CDC42EP3: variants seen among roughly 807,000 people sequenced by gnomAD.
The protein encoded by CDC42EP3 is CDC42 effector protein 3, also known as CDC42 effector protein (Rho GTPase binding) 3.
CDC42EP3 carries 4 observed loss-of-function variants against 15.5 expected under a neutral mutation model. That is an observed-to-expected ratio of 0.26 (90% CI 0.13 to 0.59). The LOEUF is 0.59. Ranked by LOEUF, CDC42EP3 falls within the 20% of genes least tolerant of loss-of-function variation. CDC42EP3 has a pLI of 0.89. For missense variants in CDC42EP3, 309 were observed against 311.2 expected (o/e 0.99, Z 0.05); for synonymous variants, 145 against 130.3 (o/e 1.11, Z -0.77).
chr2:37,668,230 C>T (rs1666303458), intron 1 of CDC42EP3, among the ~76,000 whole-genome samples: 1 of 152,070 alleles, frequency 6.6e-6, no homozygotes, highest in South Asian at 2.1e-4. Flanking sequence ...AAAAGAAAAC[C>T]ACGGGTAATT....
At position 37,670,759 on chromosome 2, in the gene CDC42EP3, C is replaced by A. The variant is rs1666388045; in HGVS notation, c.-236+667G>T. On this transcript the variant is annotated intron_variant, in intron 1 of 1. Transcript: ENST00000295324. ...AGATGAAACACATGCCTCCCAAAGTCGAGAGAGGGATAGAGTATAATAATT... is the reference window on the plus strand; with the variant it reads ...AGATGAAACACATGCCTCCCAAAGTAGAGAGAGGGATAGAGTATAATAATT... Among the ~76,000 whole-genome samples the A allele has an allele frequency of 4.0e-5, 6 of 148,940 alleles. No individual in the cohort carries two copies. In the Admixed American group the frequency reaches 4.1e-4, roughly 10 times the overall value.
At chr2:37,668,294 A>G (rs1666305427) in intron 1 of CDC42EP3, among the ~76,000 whole-genome samples, 1 of 152,224 alleles carries the variant, frequency 6.6e-6, no homozygotes, top group African/African-American at 2.4e-5. Flanking sequence ...TACATGACAG[A>G]ACCAGTATTA....
In CDC42EP3 at chr2:37,646,292, G is replaced by C; in HGVS notation, c.296C>G (p.Pro99Arg). Residue 99 changes from proline (P) to arginine (R), a missense_variant, in exon 2 of 2, where the codon CCC becomes CGC. Coordinates refer to ENST00000295324, the MANE Select transcript of CDC42EP3 (RefSeq NM_006449.5). Reference protein sequence around the residue: ...STSDSVFTETPSPVLKNAISL... With the variant: ...STSDSVFTETRSPVLKNAISL... ...GATGGCATTTTTGAGCACCGGGGAGGGCGTTTCTGTGAACACAGAGTCCGA... is the reference window on the plus strand; with the variant it reads ...GATGGCATTTTTGAGCACCGGGGAGCGCGTTTCTGTGAACACAGAGTCCGA... 3 of 1,614,138 alleles carry C rather than the reference G, an allele frequency of 1.9e-6. No homozygotes were observed. Among genetic ancestry groups the C allele is most frequent in the Non-Finnish European group, 2.5e-6 (3 of 1,180,020 alleles).
intron 1 of CDC42EP3, among the ~76,000 whole-genome samples, chr2:37,671,156 G>A (rs1053319008): frequency 4.6e-5 from 7 of 152,254 alleles, no homozygotes; most frequent in Non-Finnish European, 5.9e-5. Flanking sequence ...CTCGGAGGGT[G>A]CAATGTGGCC....
intron 1 of CDC42EP3, among the ~76,000 whole-genome samples, chr2:37,657,483 T>C (rs1389134535): frequency 6.6e-6 from 1 of 152,200 alleles, no homozygotes; most frequent in African/African-American, 2.4e-5. Flanking sequence ...AGTGTTCCTG[T>C]TGGGAAAACT....
Position 37,643,822 on chromosome 2 carries a change from G to A in CDC42EP3, c.*2001C>T, listed in dbSNP as rs1665347930. On this transcript the variant is annotated 3_prime_UTR_variant, in exon 2 of 2. Transcript: ENST00000295324. ...TGGAACTGTGAACTGTGACGGGTGT[G>A]GTCCAACAGAAAAAACACTGGAGAG... The A allele has an allele frequency of 6.6e-6, 1 of 152,248 alleles. No individual in the cohort carries two copies. The highest frequency in any genetic ancestry group is 2.1e-4 in the South Asian group (1 of 4,824). 9.4% of individuals were successfully genotyped at this position (152,248 alleles called of 1,614,324 possible).
intron 1 of CDC42EP3, among the ~76,000 whole-genome samples, chr2:37,655,278 C>A (rs1036973131): frequency 3.3e-5 from 5 of 152,198 alleles, no homozygotes; most frequent in African/African-American, 1.2e-4. Context: ...AAAGGACTTT[C>A]ATTTGTGATT....
intron 1 of CDC42EP3, among the ~76,000 whole-genome samples, chr2:37,659,069 C>T (rs536646477): frequency 2.0e-5 from 3 of 152,350 alleles, no homozygotes; most frequent in East Asian, 3.9e-4. Context: ...CCATAGCGTC[C>T]TGTGTACACC....
chr2:37,672,761 T>C (rs1034862128), upstream of CDC42EP3, among the ~76,000 whole-genome samples: 1 of 152,150 alleles, frequency 6.6e-6, no homozygotes, highest in Non-Finnish European at 1.5e-5. Context: ...GCTGGGGGCC[T>C]GGCCTCTGCC....
rs1423939061 is a variant in CDC42EP3, at chr2:37,641,992, A to T, written c.*3831T>A. 1 of 152,204 alleles carries T rather than the reference A, an allele frequency of 6.6e-6. No homozygotes were observed. Among genetic ancestry groups the T allele is most frequent in the Non-Finnish European group, 1.5e-5 (1 of 68,048 alleles). 9.4% of individuals were successfully genotyped at this position (152,204 alleles called of 1,614,324 possible). A position where few individuals can be genotyped will look rare whatever the true frequency, so the allele number is the denominator to read the frequency against. On this transcript the variant is annotated 3_prime_UTR_variant, in exon 2 of 2. Transcript: ENST00000295324. Reference sequence around the variant, plus strand: ...GTGTTATACATCACTTCATAAAGTAAGCATAGTTCCCATTCTTCCACATGA... The same window carrying T: ...GTGTTATACATCACTTCATAAAGTATGCATAGTTCCCATTCTTCCACATGA...
intron 1 of CDC42EP3, among the ~76,000 whole-genome samples, chr2:37,664,190 A>C (rs1052321805): frequency 6.6e-5 from 10 of 152,086 alleles, no homozygotes; most frequent in African/African-American, 2.4e-4. Context: ...AAACAAAACA[A>C]AACAAGCAGG....
intron 1 of CDC42EP3, among the ~76,000 whole-genome samples, chr2:37,649,394 G>A (rs1413722800): frequency 7.4e-6 from 1 of 135,672 alleles, no homozygotes; most frequent in Non-Finnish European, 1.5e-5. Flanking sequence ...ATTCAAGGCT[G>A]CGGAGAGCTA....
At chr2:37,663,262 A>G (rs1231522007) in intron 1 of CDC42EP3, among the ~76,000 whole-genome samples, 2 of 152,258 alleles carry the variant, frequency 1.3e-5, no homozygotes, top group African/African-American at 4.8e-5. Flanking sequence ...GTTCAACAAC[A>G]AACATCCATG....
intron 1 of CDC42EP3, among the ~76,000 whole-genome samples, chr2:37,653,526 T>C (rs1665753767): frequency 6.6e-6 from 1 of 152,110 alleles, no homozygotes; most frequent in Non-Finnish European, 1.5e-5. Context: ...AACAGAATGA[T>C]GCTGAAAATA....
chr2:37,645,001 T>C lies in CDC42EP3; in HGVS notation c.*822A>G, dbSNP rs1304390308. Reference sequence around the variant, plus strand: ...GCCTTTACACTTTACAATCCGTTATTGGTTGCTGTTAAAAGTATGATAACA... The same window carrying C: ...GCCTTTACACTTTACAATCCGTTATCGGTTGCTGTTAAAAGTATGATAACA... On this transcript the variant is annotated 3_prime_UTR_variant, in exon 2 of 2. Coordinates refer to ENST00000295324, the MANE Select transcript of CDC42EP3 (RefSeq NM_006449.5). 6.6e-6 allele frequency: 1 copy of C among 152,108 alleles called. No homozygotes were observed. The highest frequency in any genetic ancestry group is 2.4e-5 in the African/African-American group (1 of 41,396). 9.4% of individuals were successfully genotyped at this position (152,108 alleles called of 1,614,324 possible).
At chr2:37,661,056 G>T (rs1381306057) in intron 1 of CDC42EP3, among the ~76,000 whole-genome samples, 2 of 151,848 alleles carry the variant, frequency 1.3e-5, no homozygotes, top group Admixed American at 6.6e-5. Flanking sequence ...AAAACTATAG[G>T]GAGTAGTATG....
chr2:37,670,482 CTTTTTTT>C (rs5830491), intron 1 of CDC42EP3, among the ~76,000 whole-genome samples: 1 of 136,648 alleles, frequency 7.3e-6, no homozygotes, highest in Non-Finnish European at 1.6e-5. Flanking sequence ...AATTCGCTCA[CTTTTTTT>C]TTTTTTTTTT....
intron 1 of CDC42EP3, among the ~76,000 whole-genome samples, chr2:37,649,076 TA>T (rs112109458): frequency 0.13 from 18,114 of 135,564 alleles, 1,231 homozygotes; most frequent in African/African-American, 0.23. Context: ...TCCAATTATT[TA>T]AAAAAAAAAA....
chr2:37,652,161 C>A (rs1340635968), intron 1 of CDC42EP3, among the ~76,000 whole-genome samples: 1 of 89,506 alleles, frequency 1.1e-5, no homozygotes, highest in African/African-American at 4.4e-5. Flanking sequence ...GGTGACAGAG[C>A]AAGACTCCCT....
Sources: allele counts gnomAD v4.1 joint callset (sites outside exome capture counted in the v4.1 genomes callset), GRCh38; gene constraint gnomAD v4.1.1; transcripts MANE v1.5; gene names NCBI Gene and HGNC (gene_info 2026-07-23, HGNC 2026-07-21).